NKAIN2: variants seen among roughly 807,000 people sequenced by gnomAD.
NKAIN2 encodes sodium/potassium transporting ATPase interacting 2, also known as sodium/potassium-transporting ATPase subunit beta-1-interacting protein 2.
Under a neutral mutation model 32.6 loss-of-function variants are expected in NKAIN2, and 14 were observed. The ratio of observed to expected loss-of-function variants is 0.43; its 90% confidence interval spans 0.28 to 0.67. The LOEUF is 0.67. NKAIN2 is among the 30% of genes least tolerant of loss of function. The pLI is 0.17. For synonymous variants in NKAIN2, 80 were observed against 87.2 expected (o/e 0.92, Z 0.46); for missense variants, 198 against 258.3 (o/e 0.77, Z 1.60).
intron 1 of NKAIN2, among the ~76,000 whole-genome samples, chr6:124,201,962 G>A (rs1790614232): frequency 6.6e-6 from 1 of 151,832 alleles, no homozygotes; most frequent in African/African-American, 2.4e-5. Context: ...GCTTTCAAAA[G>A]CATATTTCAT....
In NKAIN2 at chr6:124,649,847, AAAG is replaced by A. The variant is rs142955086; in HGVS notation, c.274-8333_274-8331del. Among the ~76,000 whole-genome samples, 1,435 of 152,278 alleles carry A rather than the reference AAAG, an allele frequency of 9.4e-3. 22 individuals carry two copies. The highest frequency in any genetic ancestry group is 0.033 in the African/African-American group (1,376 of 41,532). Reference sequence around the variant, plus strand: ...ATGTAATACATCACATCCACAAACTAAAGAAGAAAAATTACAATATCTATAGAT... The same window carrying A: ...ATGTAATACATCACATCCACAAACTAAAGAAAAATTACAATATCTATAGAT... On this transcript the variant is annotated intron_variant, in intron 3 of 6. Transcript: ENST00000368417.
At chr6:124,504,964 G>A (rs750136229) in intron 3 of NKAIN2, among the ~76,000 whole-genome samples, 4 of 152,112 alleles carry the variant, frequency 2.6e-5, no homozygotes, top group Admixed American at 6.5e-5. Flanking sequence ...TGTATTCTTC[G>A]TGCAGACACA....
chr6:124,682,766 A>C (rs1332182312), intron 4 of NKAIN2, among the ~76,000 whole-genome samples: 7 of 152,194 alleles, frequency 4.6e-5, no homozygotes, highest in Non-Finnish European at 1.5e-5. Flanking sequence ...CTCATCAGAG[A>C]ATTATAAACT....
At chr6:123,808,454 G>T (rs1345846911) in intron 1 of NKAIN2, among the ~76,000 whole-genome samples, 1 of 152,156 alleles carries the variant, frequency 6.6e-6, no homozygotes, top group Admixed American at 6.5e-5. Flanking sequence ...TATGCATCCT[G>T]AATATTGTTG....
intron 1 of NKAIN2, among the ~76,000 whole-genome samples, chr6:124,164,537 G>A (rs1788438384): frequency 6.6e-6 from 1 of 152,054 alleles, no homozygotes; most frequent in South Asian, 2.1e-4. Flanking sequence ...GGATATATAG[G>A]TGGTGGTGTC....
chr6:124,143,853 A>T (rs1222100982), intron 1 of NKAIN2, among the ~76,000 whole-genome samples: 2 of 152,200 alleles, frequency 1.3e-5, no homozygotes, highest in Non-Finnish European at 2.9e-5. Flanking sequence ...GGTTAAGTAT[A>T]AAACTGTTAA....
chr6:124,380,193 C>A (rs1772568451), intron 3 of NKAIN2, among the ~76,000 whole-genome samples: 2 of 152,126 alleles, frequency 1.3e-5, no homozygotes, highest in African/African-American at 4.8e-5. Flanking sequence ...GACTGAATCT[C>A]ATCTGTGAGG....
intron 2 of NKAIN2, among the ~76,000 whole-genome samples, chr6:124,294,044 T>C (rs894004550): frequency 1.3e-5 from 2 of 152,140 alleles, no homozygotes; most frequent in Admixed American, 6.6e-5. Flanking sequence ...ATTGGATGAT[T>C]TGCTTATTTA....
At chr6:124,540,057 A>G (rs74440228) in intron 3 of NKAIN2, among the ~76,000 whole-genome samples, 2 of 152,246 alleles carry the variant, frequency 1.3e-5, no homozygotes, top group African/African-American at 2.4e-5. Flanking sequence ...TAAAATATTT[A>G]TGCATTAAAT....
chr6:124,121,888 T>C (rs1335569076), intron 1 of NKAIN2: 2 of 1,237,444 alleles, frequency 1.6e-6, no homozygotes, highest in Non-Finnish European at 2.1e-6. Flanking sequence ...GTACTGAAGA[T>C]GGATGGGGAT....
At chr6:124,167,550 A>G (rs1215801553) in intron 1 of NKAIN2, among the ~76,000 whole-genome samples, 1 of 152,154 alleles carries the variant, frequency 6.6e-6, no homozygotes, top group Non-Finnish European at 1.5e-5. Flanking sequence ...AACTTCCAAC[A>G]CTATGTTGAA....
chr6:124,145,365 A>C (rs1201011864), intron 1 of NKAIN2, among the ~76,000 whole-genome samples: 6 of 152,218 alleles, frequency 3.9e-5, no homozygotes, highest in Non-Finnish European at 7.4e-5. Context: ...GAAATCAGCC[A>C]AGATGTTCTT....
rs567202370 is a variant in NKAIN2, at chr6:123,840,228, A to G, written c.54+35974A>G. ...ACTGTTATCCAGAGTACTTAGGCAA[A>G]TTCTGTATTCTTCGTATATGATTAT... is the stretch of plus-strand genomic sequence containing the variant. On this transcript the variant is annotated intron_variant, in intron 1 of 6. Transcript: ENST00000368417. Among the ~76,000 whole-genome samples the G allele has an allele frequency of 2.0e-5, 3 of 152,218 alleles. No individual in the cohort carries two copies. In the South Asian group the frequency reaches 6.2e-4, roughly 32 times the overall value.
intron 1 of NKAIN2, among the ~76,000 whole-genome samples, chr6:124,226,402 G>T (rs192433476): frequency 6.6e-6 from 1 of 151,862 alleles, no homozygotes; most frequent in African/African-American, 2.4e-5. Flanking sequence ...TCCCCTGCTC[G>T]AGTGTTCTAA....
chr6:124,711,021 G>T (rs1334767142), intron 4 of NKAIN2, among the ~76,000 whole-genome samples: 2 of 147,814 alleles, frequency 1.4e-5, no homozygotes, highest in Non-Finnish European at 3.0e-5. Context: ...TTTAGGGCAG[G>T]CCTGGTGGTG....
At chr6:123,864,232 C>A (rs879270038) in intron 1 of NKAIN2, among the ~76,000 whole-genome samples, 1 of 152,154 alleles carries the variant, frequency 6.6e-6, no homozygotes, top group Non-Finnish European at 1.5e-5. Flanking sequence ...GAAATTGATT[C>A]TAGTGTTGTG....
chr6:124,409,250 G>C (rs1774027522), intron 3 of NKAIN2, among the ~76,000 whole-genome samples: 1 of 152,164 alleles, frequency 6.6e-6, no homozygotes, highest in Non-Finnish European at 1.5e-5. Flanking sequence ...AGTGGCGAGA[G>C]AGGGCATCCC....
chr6:124,631,318 A>C (rs1343829224), intron 3 of NKAIN2, among the ~76,000 whole-genome samples: 1 of 152,176 alleles, frequency 6.6e-6, no homozygotes, highest in Non-Finnish European at 1.5e-5. Context: ...TAAACCAGTA[A>C]TTTATAGACT....
At chr6:124,271,612 G>A (rs761602427) in intron 1 of NKAIN2, among the ~76,000 whole-genome samples, 8 of 152,174 alleles carry the variant, frequency 5.3e-5, no homozygotes, top group African/African-American at 1.9e-4. Flanking sequence ...AGCAGAATAC[G>A]AAGCTGCTAT....
Sources: gnomAD v4.1 joint callset for allele counts (sites outside exome capture counted in the v4.1 genomes callset) on GRCh38, gnomAD v4.1.1 for gene constraint, MANE v1.5 for transcripts, NCBI Gene and HGNC (gene_info 2026-07-23, HGNC 2026-07-21) for gene names.